Variants in GRID1 observed in about 807,000 individuals in gnomAD.
GRID1 encodes the protein glutamate ionotropic receptor delta type subunit 1, also known as glutamate receptor ionotropic, delta-1.
GRID1 carries 28 observed loss-of-function variants against 98.0 expected under a neutral mutation model. That is an observed-to-expected ratio of 0.29 (90% CI 0.21 to 0.39). GRID1 has a LOEUF of 0.39. Ranked by LOEUF, GRID1 falls within the 10% of genes least tolerant of loss-of-function variation. The probability of loss-of-function intolerance (pLI) is 1.00; values close to 1 mark genes in which losing one functional copy is unlikely to be tolerated. For missense variants in GRID1, 1,111 were observed against 1,340.5 expected (o/e 0.83, Z 2.67); for synonymous variants, 553 against 538.5 (o/e 1.03, Z -0.37).
intron 12 of GRID1, among the ~76,000 whole-genome samples, chr10:85,666,459 G>T (rs950448428): frequency 3.9e-5 from 6 of 152,190 alleles, no homozygotes. Context: ...CTGGCAGAGG[G>T]TGCACTGGGA....
chr10:86,183,767 A>C (rs1193863075), intron 3 of GRID1, among the ~76,000 whole-genome samples: 1 of 152,218 alleles, frequency 6.6e-6, no homozygotes, highest in African/African-American at 2.4e-5. Flanking sequence ...TTGTGCCTTC[A>C]TTTCTTTCAG....
intron 3 of GRID1, among the ~76,000 whole-genome samples, chr10:86,144,184 C>T (rs1845051615): frequency 6.6e-6 from 1 of 152,028 alleles, no homozygotes; most frequent in Non-Finnish European, 1.5e-5. Flanking sequence ...AGATAATTTC[C>T]AACAGTGAGA....
chr10:85,657,533 A>G (rs1485027059), intron 12 of GRID1, among the ~76,000 whole-genome samples: 1 of 152,236 alleles, frequency 6.6e-6, no homozygotes, highest in Non-Finnish European at 1.5e-5. Flanking sequence ...CTTTAAAAAT[A>G]TCTAGATTTG....
At chr10:85,788,027 G>A (rs1223750027) in intron 8 of GRID1, among the ~76,000 whole-genome samples, 1 of 149,782 alleles carries the variant, frequency 6.7e-6, no homozygotes, top group East Asian at 2.0e-4. Flanking sequence ...TAACTCATCG[G>A]TCACCCTCTG....
chr10:85,995,180 C>T (rs1316154955), intron 4 of GRID1, among the ~76,000 whole-genome samples: 1 of 152,126 alleles, frequency 6.6e-6, no homozygotes, highest in Non-Finnish European at 1.5e-5. Flanking sequence ...AACTTAAAGG[C>T]ATTATTCAGG....
chr10:85,863,354 CT>C (rs893514486), intron 6 of GRID1, among the ~76,000 whole-genome samples: 2 of 152,138 alleles, frequency 1.3e-5, no homozygotes, highest in Non-Finnish European at 2.9e-5. Flanking sequence ...GGCTCCCCCC[CT>C]CATCACCTCC....
chr10:86,138,849 G>A lies in GRID1; in HGVS notation c.696C>T (p.Ser232=), dbSNP rs1029750005. The A allele has an allele frequency of 3.7e-6, 6 of 1,614,086 alleles. No individual in the cohort carries two copies. The African/African-American group carries it at 8.0e-5, about 22-fold the overall frequency. The stretch of plus-strand genomic sequence containing the variant: ...TGATGAAGGAGTGGGCTCCCTGTGG[G>A]CTGAGCAGCAGGATGGCGCGGCGAA... ...DTLRRAILLL[S]PQGAHSFINE... is the part of the protein sequence containing the mutation. Residue 232 remains serine, a synonymous_variant, in exon 4 of 16, where the codon AGC becomes AGT. Coordinates refer to ENST00000327946, the MANE Select transcript of GRID1 (RefSeq NM_017551.3).
chr10:85,731,323 T>A (rs1167607117), intron 8 of GRID1, among the ~76,000 whole-genome samples: 5 of 151,806 alleles, frequency 3.3e-5, no homozygotes, highest in Non-Finnish European at 7.4e-5. Context: ...AACATGGCCA[T>A]GTACCCCAAA....
intron 3 of GRID1, among the ~76,000 whole-genome samples, chr10:86,180,030 C>T (rs1489056376): frequency 6.6e-6 from 1 of 152,030 alleles, no homozygotes; most frequent in Non-Finnish European, 1.5e-5. Context: ...ACCAGAGCTC[C>T]ATCAACCTAT....
chr10:86,219,398 G>A (rs1564709900), intron 2 of GRID1, among the ~76,000 whole-genome samples: 1 of 152,138 alleles, frequency 6.6e-6, no homozygotes, highest in Non-Finnish European at 1.5e-5. Context: ...TGGGCTACAG[G>A]TCCCTCTTCA....
chr10:85,733,565 T>A (rs1841847976), intron 8 of GRID1, among the ~76,000 whole-genome samples: 1 of 152,292 alleles, frequency 6.6e-6, no homozygotes, highest in South Asian at 2.1e-4. Context: ...CAACAAATAT[T>A]TTTGTATACA....
intron 12 of GRID1, among the ~76,000 whole-genome samples, chr10:85,650,547 A>T (rs1386183066): frequency 6.6e-6 from 1 of 152,232 alleles, no homozygotes; most frequent in African/African-American, 2.4e-5. Context: ...CATGGCAGGC[A>T]TCATCAAGGG....
intron 4 of GRID1, among the ~76,000 whole-genome samples, chr10:85,932,854 G>A (rs1384659669): frequency 6.6e-6 from 1 of 152,138 alleles, no homozygotes; most frequent in Non-Finnish European, 1.5e-5. Flanking sequence ...ACAGAAGAGG[G>A]AAAATCGGCA....
chr10:85,826,861 T>G (rs982924904), intron 8 of GRID1, among the ~76,000 whole-genome samples: 1 of 152,142 alleles, frequency 6.6e-6, no homozygotes, highest in African/African-American at 2.4e-5. Flanking sequence ...CCAGGAGTGC[T>G]GAGCTGGGGC....
chr10:86,353,522 A>G (rs1448807025), intron 2 of GRID1, among the ~76,000 whole-genome samples: 2 of 138,196 alleles, frequency 1.4e-5, no homozygotes, highest in Admixed American at 1.5e-4. Context: ...CAGGGCACCT[A>G]TGGCCATGTT....
chr10:85,847,096 TAACAAAAA>T (rs1050455945), intron 8 of GRID1, among the ~76,000 whole-genome samples: 1 of 152,042 alleles, frequency 6.6e-6, no homozygotes. Flanking sequence ...TCACCTGCTA[TAACAAAAA>T]AACAAAATGA....
At chr10:86,205,895 G>A (rs140136755) in intron 3 of GRID1, among the ~76,000 whole-genome samples, 3 of 152,194 alleles carry the variant, frequency 2.0e-5, no homozygotes, top group Non-Finnish European at 4.4e-5. Context: ...GACACTCAGG[G>A]CATTCCGTCC....
chr10:86,163,031 C>T (rs1207726264), intron 3 of GRID1, among the ~76,000 whole-genome samples: 1 of 152,204 alleles, frequency 6.6e-6, no homozygotes, highest in East Asian at 1.9e-4. Context: ...GTATAAGAAC[C>T]TGAGGAAACA....
At chr10:85,952,941 T>C (rs768670648) in intron 4 of GRID1, among the ~76,000 whole-genome samples, 6 of 152,220 alleles carry the variant, frequency 3.9e-5, no homozygotes, top group Non-Finnish European at 5.9e-5. Context: ...TTTATGATGA[T>C]TATTTCCACT....
Sources: gnomAD v4.1 joint callset for allele counts (sites outside exome capture counted in the v4.1 genomes callset) on GRCh38, gnomAD v4.1.1 for gene constraint, MANE v1.5 for transcripts, NCBI Gene and HGNC (gene_info 2026-07-23, HGNC 2026-07-21) for gene names.